PRLR: variants seen among roughly 807,000 people sequenced by gnomAD.
PRLR encodes prolactin receptor.
A neutral mutation model predicts 40.2 loss-of-function variants in PRLR; 13 were observed. That is an observed-to-expected ratio of 0.32 (90% CI 0.21 to 0.51). The LOEUF is 0.51. Among genes scored for constraint, PRLR ranks in the 20% least tolerant of loss-of-function variants. The probability of loss-of-function intolerance (pLI) is 0.97; values close to 1 mark genes in which losing one functional copy is unlikely to be tolerated. For synonymous variants in PRLR, 269 were observed against 278.7 expected (o/e 0.97, Z 0.35); for missense variants, 656 against 747.3 (o/e 0.88, Z 1.42).
intron 1 of PRLR, among the ~76,000 whole-genome samples, chr5:35,183,842 C>T (rs1329296265): frequency 1.3e-5 from 2 of 152,192 alleles, no homozygotes; most frequent in African/African-American, 2.4e-5. Context: ...GAGAAAACCA[C>T]AACAAGTATG....
intron 1 of PRLR, among the ~76,000 whole-genome samples, chr5:35,208,962 G>A (rs1007055298): frequency 2.0e-5 from 3 of 152,088 alleles, no homozygotes; most frequent in Non-Finnish European, 4.4e-5. Context: ...ACATCCATAT[G>A]ACGGAATGTT....
chr5:35,183,065 C>T (rs892974169), intron 1 of PRLR, among the ~76,000 whole-genome samples: 9 of 152,196 alleles, frequency 5.9e-5, no homozygotes, highest in African/African-American at 2.2e-4. Flanking sequence ...AAAAGAATTC[C>T]CTCTTCAACT....
chr5:35,222,159 C>T (rs886552604), intron 1 of PRLR, among the ~76,000 whole-genome samples: 4 of 152,182 alleles, frequency 2.6e-5, no homozygotes, highest in African/African-American at 7.2e-5. Context: ...AAAAATTAGC[C>T]GGGCTTGGTG....
chr5:35,057,698 G>GA lies in PRLR; in HGVS notation c.*7390dup, dbSNP rs1476708524. On this transcript the variant is annotated 3_prime_UTR_variant, in exon 10 of 10. Coordinates refer to ENST00000618457, the MANE Select transcript of PRLR (RefSeq NM_000949.7). The stretch of plus-strand genomic sequence containing the variant: ...AATGTGCCATAAGCAAAGATTTACA[G>GA]AATGAAAAATGCAAAATAACAAATC... 1 of 151,992 alleles carries GA rather than the reference G, an allele frequency of 6.6e-6. No homozygotes were observed. The highest frequency in any genetic ancestry group is 2.4e-5 in the African/African-American group (1 of 41,390). The allele number at this position is 151,992 out of a possible 1,614,324, so 9.4% of individuals were successfully genotyped here. A position where few individuals can be genotyped will look rare whatever the true frequency, so the allele number is the denominator to read the frequency against.
rs1772120082 is a variant in PRLR at position 35,104,769 on chromosome 5, T to A, written c.-44+13292A>T. ...CACTGAGCTCAAGGACGCCTGCCTG[T>A]CTCTGGATACTCCACCACTGGGGGC... On this transcript the variant is annotated intron_variant, in intron 2 of 9. Coordinates refer to ENST00000618457, the MANE Select transcript of PRLR (RefSeq NM_000949.7). 2.6e-5 allele frequency among the ~76,000 whole-genome samples: 4 copies of A among 151,784 alleles called. No individual in the cohort carries two copies. In the South Asian group the frequency reaches 8.3e-4, roughly 31 times the overall value.
chr5:35,213,985 C>T (rs1415960288), intron 1 of PRLR, among the ~76,000 whole-genome samples: 3 of 152,178 alleles, frequency 2.0e-5, no homozygotes, highest in Non-Finnish European at 4.4e-5. Context: ...ATGCGTTGAC[C>T]GGCAATGTGA....
chr5:35,202,703 A>C (rs1347831334), intron 1 of PRLR, among the ~76,000 whole-genome samples: 1 of 152,188 alleles, frequency 6.6e-6, no homozygotes, highest in Non-Finnish European at 1.5e-5. Context: ...TCTTTTAGTT[A>C]AGTCTCTTAA....
chr5:35,142,240 G>A (rs567994429), intron 1 of PRLR, among the ~76,000 whole-genome samples: 1 of 152,298 alleles, frequency 6.6e-6, no homozygotes, highest in East Asian at 1.9e-4. Flanking sequence ...TGATGCCTAG[G>A]TTGAACTGAA....
intron 1 of PRLR, among the ~76,000 whole-genome samples, chr5:35,122,648 A>G (rs1035847012): frequency 6.6e-6 from 1 of 152,250 alleles, no homozygotes; most frequent in African/African-American, 2.4e-5. Context: ...TCAGATTCAG[A>G]AAGAAATCTG....
In PRLR at chr5:35,211,111, C is replaced by T. The variant is rs1014027310; in HGVS notation, c.-106+19157G>A. Among the ~76,000 whole-genome samples, 13 of 152,262 alleles carry T rather than the reference C, an allele frequency of 8.5e-5. 1 individual carries two copies. The Middle Eastern group carries it at 0.014, about 159-fold the overall frequency. On this transcript the variant is annotated intron_variant, in intron 1 of 9. Coordinates refer to ENST00000618457, the MANE Select transcript of PRLR (RefSeq NM_000949.7). ...TCCAACACACCGGAAAGCTTAACTGCGGTTACAATTAAGGTTTAAAGAATT... is the reference window on the plus strand; with the variant it reads ...TCCAACACACCGGAAAGCTTAACTGTGGTTACAATTAAGGTTTAAAGAATT...
intron 2 of PRLR, among the ~76,000 whole-genome samples, chr5:35,097,421 G>A (rs1771598121): frequency 6.6e-6 from 1 of 152,096 alleles, no homozygotes; most frequent in African/African-American, 2.4e-5. Context: ...GACGGTCTGC[G>A]AGTTGTCCAA....
intron 1 of PRLR, among the ~76,000 whole-genome samples, chr5:35,207,206 G>A (rs1776044619): frequency 6.6e-6 from 1 of 152,032 alleles, no homozygotes; most frequent in Non-Finnish European, 1.5e-5. Context: ...ATAAAAATTA[G>A]ATGCAATTTT....
intron 1 of PRLR, among the ~76,000 whole-genome samples, chr5:35,208,046 G>C (rs572279256): frequency 6.6e-6 from 1 of 151,964 alleles, no homozygotes; most frequent in South Asian, 2.1e-4. Context: ...CCAGTGAAAA[G>C]GGATGAGTTA....
intron 1 of PRLR, among the ~76,000 whole-genome samples, chr5:35,137,648 A>G (rs1180346503): frequency 6.6e-6 from 1 of 152,238 alleles, no homozygotes. Context: ...CTCTGATGTC[A>G]AAGAAGCATT....
intron 1 of PRLR, among the ~76,000 whole-genome samples, chr5:35,168,850 C>T (rs1774919437): frequency 6.6e-6 from 1 of 152,066 alleles, no homozygotes; most frequent in Middle Eastern, 3.2e-3. Flanking sequence ...ACTTTATTTA[C>T]ATTTTTCTTT....
intron 1 of PRLR, among the ~76,000 whole-genome samples, chr5:35,191,101 C>T (rs1195030361): frequency 1.6e-5 from 1 of 61,986 alleles, no homozygotes; most frequent in Non-Finnish European, 3.0e-5. Context: ...GACGGAGTCT[C>T]GCTCTGTCGC....
At chr5:35,196,048 ATAAAATAAAAT>A (rs1315403244) in intron 1 of PRLR, among the ~76,000 whole-genome samples, 1 of 506 alleles carries the variant, frequency 2.0e-3, no homozygotes, top group Non-Finnish European at 5.1e-3. Context: ...ATAAAATAAA[ATAAAATAAAAT>A]AAAATAAAAT....
intron 1 of PRLR, among the ~76,000 whole-genome samples, chr5:35,214,748 G>T (rs963711438): frequency 6.6e-6 from 1 of 152,168 alleles, no homozygotes; most frequent in African/African-American, 2.4e-5. Flanking sequence ...AACTGCCTTT[G>T]CTCATTCCTA....
chr5:35,070,146 C>A lies in PRLR; in HGVS notation c.663G>T (p.Ala221=), dbSNP rs780563899. The A allele has an allele frequency of 6.2e-7, 1 of 1,613,236 alleles. No individual in the cohort carries two copies. The highest frequency in any genetic ancestry group is 1.1e-5 in the South Asian group (1 of 90,752). ...CACCACTAGGTATCTGAATGAAGGT[C>A]GCTGGACTCCATGCACTCCAGTATC... ...DHGYWSAWSP[A]TFIQIPSDFT... is the part of the protein sequence containing the mutation. Residue 221 remains alanine, a synonymous_variant, in exon 7 of 10, where the codon GCG becomes GCT. Transcript: ENST00000618457.
Sources: gnomAD v4.1 joint callset for allele counts (sites outside exome capture counted in the v4.1 genomes callset) on GRCh38, gnomAD v4.1.1 for gene constraint, MANE v1.5 for transcripts, NCBI Gene and HGNC (gene_info 2026-07-23, HGNC 2026-07-21) for gene names.